Variants in MSANTD2 observed in about 807,000 individuals in gnomAD.
MSANTD2 encodes Myb/SANT DNA binding domain containing 2.
MSANTD2 carries 19 observed loss-of-function variants against 52.6 expected under a neutral mutation model. That is an observed-to-expected ratio of 0.36 (90% CI 0.25 to 0.53). The LOEUF (loss-of-function observed/expected upper bound fraction) is 0.53, where lower values mean the gene tolerates loss of function less well. Ranked by LOEUF, MSANTD2 falls within the 20% of genes least tolerant of loss-of-function variation. MSANTD2 has a pLI of 0.91. For synonymous variants in MSANTD2, 291 were observed against 289.7 expected, an observed-to-expected ratio of 1.00 and a Z score of -0.04; for missense variants, 558 against 716.3, an observed-to-expected ratio of 0.78 and a Z score of 2.52.
intron 1 of MSANTD2, chr11:124,791,479 C>A: frequency 8.9e-7 from 1 of 1,122,648 alleles, no homozygotes; most frequent in South Asian, 1.3e-5. Flanking sequence ...TCAGGCGAGT[C>A]ACTCTCCTAA....
In MSANTD2 at chr11:124,774,624, A is replaced by G; in HGVS notation, c.766+95T>C. The stretch of plus-strand genomic sequence containing the variant: ...TATGCTGACCACTATAGGGAACAGT[A>G]CCAAAGATATTTACAGGTAATAAGT... On this transcript the variant is annotated intron_variant, in intron 2 of 3. Coordinates refer to ENST00000374979, the MANE Select transcript of MSANTD2 (RefSeq NM_001308027.2). This position sits in a 1 kb window ranked among gnomAD's most constrained non-coding sequence, Gnocchi z 5.1. 1 of 1,291,104 alleles carries G rather than the reference A, an allele frequency of 7.7e-7. No homozygotes were observed. The highest frequency in any genetic ancestry group is 1.1e-6 in the Non-Finnish European group (1 of 915,800). 80.0% of individuals were successfully genotyped at this position (1,291,104 alleles called of 1,614,324 possible). A position where few individuals can be genotyped will look rare whatever the true frequency, so the allele number is the denominator to read the frequency against.
intron 3 of MSANTD2, among the ~76,000 whole-genome samples, chr11:124,771,397 C>G (rs916380532): frequency 3.3e-5 from 5 of 152,168 alleles, no homozygotes; most frequent in Admixed American, 3.3e-4. Context: ...AATGGGAATT[C>G]TTTGATTCCA....
At chr11:124,789,408 C>G (rs1945261815) in intron 1 of MSANTD2, 1 of 152,070 alleles carries the variant, frequency 6.6e-6, no homozygotes, top group African/African-American at 2.4e-5. Flanking sequence ...AACTAGAAAG[C>G]ATATCTAAGT....
rs1407368505 is a variant in MSANTD2, at chr11:124,779,335, AAT to A, written c.511-4363_511-4362del. ...CCTTTGACTTTCAGGAAATGGGAAG[AAT>A]TAAATTCTTCCCTGGTAGGGCAAAG... On this transcript the variant is annotated intron_variant, in intron 1 of 3. Transcript: ENST00000374979. The surrounding 1 kb of genome is among the most constrained non-coding windows in gnomAD (Gnocchi z 4.6). 9.2e-5 allele frequency among the ~76,000 whole-genome samples: 14 copies of A among 152,346 alleles called. No individual in the cohort carries two copies. Among genetic ancestry groups the A allele is most frequent in the Non-Finnish European group, 2.1e-4 (14 of 68,034 alleles).
chr11:124,800,286 C>T lies in MSANTD2; in HGVS notation c.95G>A (p.Ser32Asn), dbSNP rs1945657040. 1.3e-6 allele frequency: 2 copies of T among 1,568,572 alleles called. No individual in the cohort carries two copies. The highest frequency in any genetic ancestry group is 3.7e-5 in the Admixed American group (2 of 54,324). Reference protein sequence around the residue: ...VLSPASPGGLSDGNPSLSDPS... With the variant: ...VLSPASPGGLNDGNPSLSDPS... ...GTCGGACAGCGATGGATTTCCGTCG[C>T]TCAGGCCACCAGGAGAAGCCGGGGA... Residue 32 changes from serine to asparagine, a missense_variant, in exon 1 of 4, where the codon AGC (serine) becomes AAC (asparagine). By Grantham distance (46) the Ser-to-Asn change is conservative. Transcript: ENST00000374979. The surrounding 1 kb of genome is among the most constrained non-coding windows in gnomAD (Gnocchi z 4.3).
chr11:124,766,950 G>C lies in MSANTD2; in HGVS notation c.*226C>G. The C allele has an allele frequency of 2.3e-6, 1 of 427,202 alleles. No individual in the cohort carries two copies. Among genetic ancestry groups the C allele is most frequent in the Non-Finnish European group, 4.1e-6 (1 of 243,046 alleles). The allele number at this position is 427,202 out of a possible 1,614,324, so 26.5% of individuals were successfully genotyped here. A position where few individuals can be genotyped will look rare whatever the true frequency, so the allele number is the denominator to read the frequency against. Reference sequence around the variant, plus strand: ...AAAAAAGAAATAGCTGACCCACCATGCAAGTTCGCTATATATCTTGCTTGC... The same window carrying C: ...AAAAAAGAAATAGCTGACCCACCATCCAAGTTCGCTATATATCTTGCTTGC... On this transcript the variant is annotated 3_prime_UTR_variant, in exon 4 of 4. Transcript: ENST00000374979.
In MSANTD2 at chr11:124,767,103, G is replaced by A. The variant is rs887874283; in HGVS notation, c.*73C>T. The A allele has an allele frequency of 5.6e-6, 8 of 1,438,560 alleles. No individual in the cohort carries two copies. The African/African-American group carries it at 5.7e-5, about 10-fold the overall frequency. 89.1% of individuals were successfully genotyped at this position (1,438,560 alleles called of 1,614,324 possible). On this transcript the variant is annotated 3_prime_UTR_variant, in exon 4 of 4. Coordinates refer to ENST00000374979, the MANE Select transcript of MSANTD2 (RefSeq NM_001308027.2). The surrounding 1 kb of genome is among the most constrained non-coding windows in gnomAD (Gnocchi z 6.5). ...GAGTCTGACGGCGGCATCTGGATGAGGGGTGGTCCGGGTAATGGGAAGTGA... is the reference window on the plus strand; with the variant it reads ...GAGTCTGACGGCGGCATCTGGATGAAGGGTGGTCCGGGTAATGGGAAGTGA...
At chr11:124,782,277 T>G in intron 1 of MSANTD2, among the ~76,000 whole-genome samples, 1 of 141,084 alleles carries the variant, frequency 7.1e-6, no homozygotes, top group African/African-American at 3.0e-5. Flanking sequence ...CAAGACTTTG[T>G]CTCTACTTAA....
intron 1 of MSANTD2, chr11:124,784,026 A>T (rs982087524): frequency 5.1e-6 from 5 of 985,266 alleles, no homozygotes; most frequent in Non-Finnish European, 6.0e-6. Flanking sequence ...TTTTCTATTT[A>T]CAAGAATACA....
intron 1 of MSANTD2, among the ~76,000 whole-genome samples, chr11:124,780,745 G>C (rs572431664): frequency 1.2e-4 from 19 of 152,318 alleles, no homozygotes; most frequent in African/African-American, 4.6e-4. Flanking sequence ...TTTTATAGGA[G>C]ATTCTAAAGA....
intron 1 of MSANTD2, among the ~76,000 whole-genome samples, chr11:124,785,664 A>G (rs1031701969): frequency 3.9e-5 from 6 of 152,154 alleles, no homozygotes; most frequent in Non-Finnish European, 8.8e-5. Context: ...ATCAACCAGA[A>G]GCCACCAGCA....
chr11:124,772,814 T>C (rs529216567), intron 3 of MSANTD2, among the ~76,000 whole-genome samples, 180 bp downstream of exon 3: 1 of 151,480 alleles, frequency 6.6e-6, no homozygotes, highest in Non-Finnish European at 1.5e-5. Flanking sequence ...AGTGATGCTA[T>C]GTTTGTGATG....
chr11:124,778,562 A>G (rs535898775), intron 1 of MSANTD2, among the ~76,000 whole-genome samples: 2 of 152,174 alleles, frequency 1.3e-5, no homozygotes, highest in Non-Finnish European at 2.9e-5. Flanking sequence ...CTGAAGAACT[A>G]AAGCATAGGT....
At chr11:124,791,693 G>A (rs1418844338) in intron 1 of MSANTD2, 1 of 1,136,320 alleles carries the variant, frequency 8.8e-7, no homozygotes, top group Non-Finnish European at 1.3e-6. Context: ...GCAAGGCTGT[G>A]GCTGGGGAAG....
chr11:124,784,401 G>C (rs549861328), intron 1 of MSANTD2: 1 of 985,102 alleles, frequency 1.0e-6, no homozygotes, highest in Non-Finnish European at 1.2e-6. Flanking sequence ...TAGCAGGGGA[G>C]AACCAGTCTT....
intron 2 of MSANTD2, among the ~76,000 whole-genome samples, chr11:124,773,595 G>A (rs1394777227): frequency 6.6e-6 from 1 of 152,152 alleles, no homozygotes; most frequent in Non-Finnish European, 1.5e-5. Context: ...TAATCGTTAA[G>A]TCCATTTCTT....
At position 124,766,778 on chromosome 11, in the gene MSANTD2, A is replaced by T. The variant is rs1454598874; in HGVS notation, c.*398T>A. On this transcript the variant is annotated 3_prime_UTR_variant, in exon 4 of 4. Transcript: ENST00000374979. ...ATATTACTTATATAGAGACATAGAGATGTGTAAAAATGAAACATTGTGAAA... is the reference window on the plus strand; with the variant it reads ...ATATTACTTATATAGAGACATAGAGTTGTGTAAAAATGAAACATTGTGAAA... 6.2e-6 allele frequency: 1 copy of T among 161,080 alleles called. No homozygotes were observed. The highest frequency in any genetic ancestry group is 1.4e-5 in the Non-Finnish European group (1 of 73,774). 10.0% of individuals were successfully genotyped at this position (161,080 alleles called of 1,614,324 possible).
rs780776277 is a variant in MSANTD2 at position 124,772,961 on chromosome 11, C to T, written c.827+33G>A. On this transcript the variant is annotated intron_variant, in intron 3 of 3. Transcript: ENST00000374979. Reference sequence around the variant, plus strand: ...CCAATGGTCATTAAACTTAGGCAGACACACTTTCTGGAAAGGTGAAGCATC... The same window carrying T: ...CCAATGGTCATTAAACTTAGGCAGATACACTTTCTGGAAAGGTGAAGCATC... 2.2e-6 allele frequency: 3 copies of T among 1,364,600 alleles called. No individual in the cohort carries two copies. In the Admixed American group the frequency reaches 5.1e-5, roughly 23 times the overall value. 84.5% of individuals were successfully genotyped at this position (1,364,600 alleles called of 1,614,324 possible).
intron 1 of MSANTD2, among the ~76,000 whole-genome samples, chr11:124,787,798 T>C (rs1945207074): frequency 6.6e-6 from 1 of 152,176 alleles, no homozygotes; most frequent in Admixed American, 6.5e-5. Flanking sequence ...GCTCAGTTCT[T>C]CCTTTATAGA....
Sources: gnomAD v4.1 joint callset for allele counts (sites outside exome capture counted in the v4.1 genomes callset) on GRCh38, gnomAD v4.1.1 for gene constraint, Gnocchi (gnomAD v3.1) non-coding constraint, MANE v1.5 for transcripts, NCBI Gene and HGNC (gene_info 2026-07-23, HGNC 2026-07-21) for gene names.